Variants in ACYP2 observed in about 807,000 individuals in gnomAD.
ACYP2 encodes acylphosphatase-2.
In ACYP2, 12 loss-of-function variants were observed where a neutral mutation model predicts 11.2. The observed-to-expected ratio is 1.08, with a 90% CI of 0.69 to 1.74. The LOEUF is 1.74. Among genes scored for constraint, ACYP2 ranks in the 40% most tolerant of loss-of-function variants. The pLI, the probability that ACYP2 is intolerant of heterozygous loss-of-function variation, is 0.00. For missense variants in ACYP2, 134 were observed against 101.9 expected (o/e 1.31, Z -1.35); for synonymous variants, 43 against 32.2 (o/e 1.33, Z -1.13).
chr2:54,303,031 A>G (rs1413645962), intron 6 of ACYP2, among the ~76,000 whole-genome samples: 2 of 152,324 alleles, frequency 1.3e-5, no homozygotes, highest in Admixed American at 6.5e-5. Flanking sequence ...AAGATAAGAC[A>G]TGTAAAGAAC....
intron 6 of ACYP2, among the ~76,000 whole-genome samples, chr2:54,260,191 G>A (rs914918149): frequency 2.0e-5 from 3 of 152,154 alleles, no homozygotes; most frequent in African/African-American, 4.8e-5. Context: ...TAAACAGGTA[G>A]AAGTGATAGT....
chr2:54,012,878 T>G (rs891103833), intron 2 of ACYP2, among the ~76,000 whole-genome samples: 17 of 152,076 alleles, frequency 1.1e-4, no homozygotes, highest in South Asian at 4.2e-4. Context: ...GTGTTCACAG[T>G]AGCCTACAAG....
At chr2:54,115,741 T>C in intron 4 of ACYP2, 2 of 1,612,682 alleles carry the variant, frequency 1.2e-6, no homozygotes, top group Non-Finnish European at 1.7e-6. Flanking sequence ...CTACGAGGTG[T>C]TCGGAAGAGT....
At chr2:54,157,245 T>C (rs75976645) in intron 6 of ACYP2, among the ~76,000 whole-genome samples, 1,576 of 152,260 alleles carry the variant, frequency 0.01, 17 homozygotes, top group Non-Finnish European at 0.016. Flanking sequence ...TAATCCCTTA[T>C]TATTTTAAAA....
chr2:54,132,169 T>C (rs1680938618), intron 4 of ACYP2, among the ~76,000 whole-genome samples: 1 of 139,910 alleles, frequency 7.1e-6, no homozygotes, highest in South Asian at 2.2e-4. Context: ...ACCCTTATGA[T>C]AAAAAGACGC....
intron 6 of ACYP2, among the ~76,000 whole-genome samples, chr2:54,209,602 C>T (rs368394955): frequency 1.1e-4 from 17 of 152,272 alleles, no homozygotes; most frequent in African/African-American, 2.4e-4. Context: ...ACATTTATTA[C>T]GCTTCTCAGT....
At chr2:53,972,619 G>T (rs1432083414) in intron 1 of ACYP2, among the ~76,000 whole-genome samples, 4 of 151,672 alleles carry the variant, frequency 2.6e-5, no homozygotes, top group Non-Finnish European at 4.4e-5. Flanking sequence ...AAAAAAAAAA[G>T]AGTCACTCTG....
chr2:54,304,786 T>G lies in ACYP2; in HGVS notation c.503T>G (p.Phe168Cys). ...ATCTCTAAGCTTGAATACTCTAATT[T>G]TAGTATTAGATACTAATAGAAGAGA... is the stretch of plus-strand genomic sequence containing the variant. The change falls in exon 7 of 7, where the codon TTT becomes TGT. Residue 168 changes from phenylalanine to cysteine, a missense_variant. Phe to Cys is a radical substitution (Grantham distance 205). Transcript: ENST00000607452. 3 of 1,598,324 alleles carry G rather than the reference T, an allele frequency of 1.9e-6. No individual in the cohort carries two copies. Among genetic ancestry groups the G allele is most frequent in the Non-Finnish European group, 2.6e-6 (3 of 1,168,052 alleles).
chr2:53,997,277 C>T (rs1672616322), intron 2 of ACYP2, among the ~76,000 whole-genome samples: 1 of 151,992 alleles, frequency 6.6e-6, no homozygotes, highest in Non-Finnish European at 1.5e-5. Flanking sequence ...ATGTCTCGCC[C>T]TTGTTCATAT....
chr2:54,148,291 A>G lies in ACYP2; in HGVS notation c.404+9543A>G, dbSNP rs114444453. Among the ~76,000 whole-genome samples, 319 of 151,094 alleles carry G rather than the reference A, an allele frequency of 2.1e-3. 3 individuals carry two copies. The highest frequency in any genetic ancestry group is 7.4e-3 in the African/African-American group (300 of 40,746). On this transcript the variant is annotated intron_variant, in intron 6 of 6. Transcript: ENST00000607452. ...CTTGGCCAGGAAGAAGGGGATGGGG[A>G]TGGGTGTATACTAGGTAGTCAATGA...
At position 54,019,827 on chromosome 2, in the gene ACYP2, T is replaced by C. The variant is rs544104141; in HGVS notation, c.63-31131T>C. On this transcript the variant is annotated intron_variant, in intron 2 of 6. Transcript: ENST00000607452. ...TAGAGATGGGGTTTTACCATGTTGA[T>C]CAGGTTGGTCTCGAACTCCTGGCCT... 1.2e-4 allele frequency among the ~76,000 whole-genome samples: 18 copies of C among 151,198 alleles called. No homozygotes were observed. The South Asian group carries it at 3.3e-3, about 28-fold the overall frequency.
At chr2:54,046,103 G>A (rs1675505872) in intron 2 of ACYP2, among the ~76,000 whole-genome samples, 1 of 144,030 alleles carries the variant, frequency 6.9e-6, no homozygotes, top group Non-Finnish European at 1.5e-5. Flanking sequence ...CCAGCAGGCA[G>A]AGGTTGCAGT....
At chr2:54,093,613 T>G (rs554272370) in intron 4 of ACYP2, among the ~76,000 whole-genome samples, 16 of 152,318 alleles carry the variant, frequency 1.1e-4, no homozygotes, top group Non-Finnish European at 2.2e-4. Flanking sequence ...CTTAGTTTTC[T>G]CATCTGTCAA....
At chr2:54,271,507 A>G (rs1688301624) in intron 6 of ACYP2, among the ~76,000 whole-genome samples, 1 of 151,608 alleles carries the variant, frequency 6.6e-6, no homozygotes, top group Non-Finnish European at 1.5e-5. Context: ...AGGACTCAGC[A>G]CACTGGGATC....
chr2:54,266,520 G>A (rs532490823), intron 6 of ACYP2, among the ~76,000 whole-genome samples: 1 of 147,418 alleles, frequency 6.8e-6, no homozygotes, highest in Admixed American at 6.7e-5. Flanking sequence ...AAACTGAGGT[G>A]CAGAAATATA....
At chr2:54,004,649 A>G (rs1482571595) in intron 2 of ACYP2, among the ~76,000 whole-genome samples, 7 of 151,546 alleles carry the variant, frequency 4.6e-5, no homozygotes, top group Non-Finnish European at 2.9e-5. Flanking sequence ...TGACCTTGTG[A>G]TCGGCCCGCC....
chr2:53,994,467 C>G (rs1440601691), intron 2 of ACYP2, among the ~76,000 whole-genome samples: 2 of 140,808 alleles, frequency 1.4e-5, no homozygotes, highest in Non-Finnish European at 3.0e-5. Flanking sequence ...TGCAGAGAAC[C>G]AAGATTGCAC....
Position 54,156,318 on chromosome 2 carries a change from T to C in ACYP2, c.404+17570T>C, listed in dbSNP as rs541345081. Among the ~76,000 whole-genome samples the C allele has an allele frequency of 2.1e-3, 319 of 152,348 alleles. 3 individuals are homozygous for C. The highest frequency in any genetic ancestry group is 7.2e-3 in the African/African-American group (300 of 41,576). On this transcript the variant is annotated intron_variant, in intron 6 of 6. Coordinates refer to ENST00000607452, the MANE Select transcript of ACYP2 (RefSeq NM_001320586.2). The stretch of plus-strand genomic sequence containing the variant: ...GTGCAGAATGTGCAGGTTTGTTACA[T>C]AGGTAAACGTGTGCCATGGTGGTTT...
At chr2:54,131,841 A>G (rs2103767354) in intron 4 of ACYP2, among the ~76,000 whole-genome samples, 1 of 152,292 alleles carries the variant, frequency 6.6e-6, no homozygotes, top group Non-Finnish European at 1.5e-5. Context: ...AATTGCCTGG[A>G]AAGCATGTGA....
Sources: allele counts gnomAD v4.1 joint callset (sites outside exome capture counted in the v4.1 genomes callset), GRCh38; gene constraint gnomAD v4.1.1; transcripts MANE v1.5; gene names NCBI Gene and HGNC (gene_info 2026-07-23, HGNC 2026-07-21).